The following JMJD1C variants were observed in gnomAD, a reference collection of about 807,000 sequenced individuals.
The protein encoded by JMJD1C is jumonji domain-containing protein 1C.
In JMJD1C, 31 loss-of-function variants were observed where a neutral mutation model predicts 245.3. The observed-to-expected ratio is 0.13, with a 90% CI of 0.09 to 0.17. The LOEUF (loss-of-function observed/expected upper bound fraction) is 0.17, where lower values mean the gene tolerates loss of function less well. Among genes scored for constraint, JMJD1C ranks in the 10% least tolerant of loss-of-function variants. JMJD1C has a pLI of 1.00. For synonymous variants in JMJD1C, 1,057 were observed against 1,017.4 expected, an observed-to-expected ratio of 1.04 and a Z score of -0.74; for missense variants, 2,691 against 3,000.2, an observed-to-expected ratio of 0.90 and a Z score of 2.41.
intron 1 of JMJD1C, among the ~76,000 whole-genome samples, chr10:63,392,867 A>AACACACACAAACAC (rs1554918148): frequency 8.9e-6 from 1 of 112,262 alleles, no homozygotes; most frequent in Non-Finnish European, 1.7e-5. Context: ...AAAGTACATA[A>AACACACACAAACAC]ACACACACAC....
intron 8 of JMJD1C, among the ~76,000 whole-genome samples, chr10:63,213,126 C>T (rs1028901790): frequency 4.1e-4 from 59 of 145,552 alleles, no homozygotes; most frequent in African/African-American, 1.3e-3. Flanking sequence ...GCAGAGGTTG[C>T]AGTGACCCAA....
At chr10:63,206,388 T>C (rs1262061526) in intron 10 of JMJD1C, among the ~76,000 whole-genome samples, 6 of 152,200 alleles carry the variant, frequency 3.9e-5, no homozygotes, top group African/African-American at 1.4e-4. Flanking sequence ...CTTTTAAAAA[T>C]AGAGGAATAA....
chr10:63,240,363 T>C (rs1424140241), intron 3 of JMJD1C, among the ~76,000 whole-genome samples: 3 of 151,936 alleles, frequency 2.0e-5, no homozygotes, highest in Non-Finnish European at 4.4e-5. Context: ...TAGGAAAACC[T>C]GAAGAGAAGT....
intron 1 of JMJD1C, chr10:63,465,255 G>C (rs867115000): frequency 2.6e-5 from 13 of 501,354 alleles, no homozygotes; most frequent in Non-Finnish European, 4.2e-5. Flanking sequence ...ATGGGGGCCA[G>C]GGCAGCCTCC....
chr10:63,400,272 T>A (rs1948768269), intron 1 of JMJD1C, among the ~76,000 whole-genome samples: 1 of 152,156 alleles, frequency 6.6e-6, no homozygotes, highest in South Asian at 2.1e-4. Flanking sequence ...GGCATACTCC[T>A]AAGGTAGGAT....
intron 2 of JMJD1C, among the ~76,000 whole-genome samples, chr10:63,279,903 C>T (rs1048721555): frequency 6.6e-6 from 1 of 152,162 alleles, no homozygotes; most frequent in African/African-American, 2.4e-5. Flanking sequence ...GTTTTCCCAG[C>T]ACTTTGGGAG....
intron 16 of JMJD1C, 121 bp downstream of exon 16, chr10:63,192,817 G>C: frequency 2.6e-6 from 2 of 759,788 alleles, no homozygotes; most frequent in Non-Finnish European, 4.3e-6. Context: ...CATAATTCAA[G>C]AAAAAGACCA....
chr10:63,477,828 A>G (rs930151613), intron 1 of JMJD1C, among the ~76,000 whole-genome samples: 3 of 152,336 alleles, frequency 2.0e-5, no homozygotes, highest in Admixed American at 2.0e-4. Context: ...GGCAAAATGC[A>G]TATCTGATAG....
At chr10:63,404,884 T>C (rs767243585) in intron 1 of JMJD1C, among the ~76,000 whole-genome samples, 1 of 152,252 alleles carries the variant, frequency 6.6e-6, no homozygotes, top group African/African-American at 2.4e-5. Flanking sequence ...TGAAAAGAAA[T>C]AGCAACTACC....
chr10:63,276,193 AC>A (rs1191514596), intron 2 of JMJD1C, among the ~76,000 whole-genome samples: 1 of 152,174 alleles, frequency 6.6e-6, no homozygotes, highest in Admixed American at 6.6e-5. Flanking sequence ...GAGGCCGGGC[AC>A]GGTGGCTCAT....
At chr10:63,435,997 A>G (rs1249947672) in intron 1 of JMJD1C, among the ~76,000 whole-genome samples, 2 of 152,242 alleles carry the variant, frequency 1.3e-5, no homozygotes, top group African/African-American at 4.8e-5. Context: ...ATTCAAAGAA[A>G]GGCAAAACCC....
rs550454341 is a variant in JMJD1C, at chr10:63,390,367, T to C, written c.169-9885A>G. ...ATCTAAACAAACTAATAACAAGTAA[T>C]GAGGTAAAATTAGTAGTAAAAAATC... On this transcript the variant is annotated intron_variant, in intron 1 of 25. Coordinates refer to ENST00000399262, the MANE Select transcript of JMJD1C (RefSeq NM_032776.3). Among the ~76,000 whole-genome samples the C allele has an allele frequency of 2.0e-5, 3 of 152,148 alleles. No homozygotes were observed. In the South Asian group the frequency reaches 6.2e-4, roughly 32 times the overall value.
chr10:63,476,371 A>G (rs766429824), intron 1 of JMJD1C, among the ~76,000 whole-genome samples: 1 of 152,024 alleles, frequency 6.6e-6, no homozygotes, highest in Admixed American at 6.6e-5. Flanking sequence ...CCTTAGCAGA[A>G]CAAGAGTCAT....
At chr10:63,345,503 AAAC>A (rs1262822836) in intron 2 of JMJD1C, among the ~76,000 whole-genome samples, 2 of 151,532 alleles carry the variant, frequency 1.3e-5, no homozygotes, top group South Asian at 2.2e-4. Context: ...AAAAAAAAAA[AAAC>A]AAAAAAAAGG....
chr10:63,519,769 AC>A (rs775910488), intron 1 of JMJD1C, among the ~76,000 whole-genome samples: 1 of 152,222 alleles, frequency 6.6e-6, no homozygotes, highest in Non-Finnish European at 1.5e-5. Context: ...GCATGAAAAT[AC>A]AGGTTGGCTG....
intron 3 of JMJD1C, among the ~76,000 whole-genome samples, chr10:63,243,667 C>G (rs1851804947): frequency 6.6e-6 from 1 of 151,984 alleles, no homozygotes; most frequent in South Asian, 2.1e-4. Flanking sequence ...ATAAAAAATA[C>G]AAGTACAGAC....
chr10:63,439,740 T>G (rs1020284970), intron 1 of JMJD1C, among the ~76,000 whole-genome samples: 1 of 152,194 alleles, frequency 6.6e-6, no homozygotes, highest in Admixed American at 6.5e-5. Context: ...TACTATCATA[T>G]ATAAAAACAA....
At chr10:63,457,248 C>G (rs929091491) in intron 1 of JMJD1C, among the ~76,000 whole-genome samples, 14 of 152,074 alleles carry the variant, frequency 9.2e-5, no homozygotes, top group Admixed American at 1.3e-4. Context: ...TAAGTTAATG[C>G]CAACGTTCAA....
intron 22 of JMJD1C, among the ~76,000 whole-genome samples, chr10:63,183,238 A>G (rs1233366659): frequency 6.6e-6 from 1 of 152,222 alleles, no homozygotes; most frequent in Non-Finnish European, 1.5e-5. Context: ...AAGTTAAAAT[A>G]TTCAATTTTA....
Sources: allele counts gnomAD v4.1 joint callset (sites outside exome capture counted in the v4.1 genomes callset), GRCh38; gene constraint gnomAD v4.1.1; transcripts MANE v1.5; gene names NCBI Gene and HGNC (gene_info 2026-07-23, HGNC 2026-07-21).